The following CFHR3 variants were observed in gnomAD, a reference collection of about 807,000 sequenced individuals.
CFHR3 encodes complement factor H related 3.
Under a neutral mutation model 36.0 loss-of-function variants are expected in CFHR3, and 22 were observed. The ratio of observed to expected loss-of-function variants is 0.61; its 90% CI spans 0.44 to 0.87. The LOEUF (loss-of-function observed/expected upper bound fraction) is 0.87, where lower values mean the gene tolerates loss of function less well. CFHR3 is among the 40% of genes least tolerant of loss of function. CFHR3 has a pLI of 0.00. For synonymous variants in CFHR3, 97 were observed against 137.4 expected (o/e 0.71, Z 2.06); for missense variants, 276 against 401.3 (o/e 0.69, Z 2.67).
At position 196,780,282 on chromosome 1, in the gene CFHR3, G is replaced by A. The variant is rs777971200; in HGVS notation, c.430+309G>A. Among the ~76,000 whole-genome samples, 9 of 136,876 alleles carry A rather than the reference G, an allele frequency of 6.6e-5. 1 individual carries two copies. The highest frequency in any genetic ancestry group is 9.1e-5 in the African/African-American group (3 of 32,818). 89.8% of individuals were successfully genotyped at this position (136,876 alleles called of 152,430 possible). On this transcript the variant is annotated intron_variant, in intron 3 of 5. Transcript: ENST00000367425. ...TGTCTCGGGTAAATACCCGAGGTTC[G>A]TCATCTTGCACCAAGAAGATTAAGT...
In CFHR3 at chr1:196,793,353, A is replaced by C. The variant is rs761956023; in HGVS notation, c.833A>C (p.Asn278Thr). The change falls in exon 6 of 6, where the codon AAT (asparagine) becomes ACT (threonine). Residue 278 changes from asparagine to threonine, a missense_variant. This residue lies in a region of CFHR3 where 76 missense variants were observed against 79.8 expected (regional missense o/e 0.95). Coordinates refer to ENST00000367425, the MANE Select transcript of CFHR3 (RefSeq NM_021023.6). ...CIITEENMNK[N>T]NIKLKGRSDR... is the part of the protein sequence containing the mutation. ...ATAACTGAAGAAAACATGAATAAAA[A>C]TAACATAAAGTTAAAAGGAAGAAGT... 12 of 1,520,458 alleles carry C rather than the reference A, an allele frequency of 7.9e-6. 5 individuals carry two copies. In the Admixed American group the frequency reaches 1.6e-4, roughly 20 times the overall value. The allele number at this position is 1,520,458 out of a possible 1,614,324, so 94.2% of individuals were successfully genotyped here. A position where few individuals can be genotyped will look rare whatever the true frequency, so the allele number is the denominator to read the frequency against.
intron 2 of CFHR3, 100 bp downstream of exon 2, chr1:196,779,456 G>C (rs1418762481): frequency 9.9e-7 from 1 of 1,012,218 alleles, no homozygotes; most frequent in Non-Finnish European, 1.5e-6. Context: ...AACAGAAATA[G>C]GGCCAAGAAA....
At chr1:196,792,588 G>T (rs1437929132) in intron 5 of CFHR3, among the ~76,000 whole-genome samples, 1 of 132,292 alleles carries the variant, frequency 7.6e-6, no homozygotes, top group Non-Finnish European at 1.6e-5. Context: ...TCCATATGTG[G>T]AAGTAACATT....
chr1:196,788,294 A>C lies in CFHR3; in HGVS notation c.509A>C (p.Glu170Ala). ...TCCTCTATTTATATTTTAAATAAAGAAATACAATATAAATGTAAACCAGGA... is the reference window on the plus strand; with the variant it reads ...TCCTCTATTTATATTTTAAATAAAGCAATACAATATAAATGTAAACCAGGA... ...ESSSIYILNK[E>A]IQYKCKPGYA... is the part of the protein sequence containing the mutation. Residue 170 changes from glutamate to alanine, a missense_variant, in exon 4 of 6, where the codon GAA becomes GCA. By Grantham distance (107) the Glu-to-Ala change is moderately radical. Coordinates refer to ENST00000367425, the MANE Select transcript of CFHR3 (RefSeq NM_021023.6). The C allele has an allele frequency of 6.7e-7, 1 of 1,484,048 alleles. No individual in the cohort carries two copies. Among genetic ancestry groups the C allele is most frequent in the East Asian group, 2.3e-5 (1 of 44,120 alleles). The allele number at this position is 1,484,048 out of a possible 1,614,324, so 91.9% of individuals were successfully genotyped here.
rs1266504154 is a variant in CFHR3 at position 196,775,953 on chromosome 1, A to G, written c.58+1009A>G. ...AGCTTTAAGTTTTATAGTATTATCTATCACATGATTTGCTAGTTTTATTTG... is the reference window on the plus strand; with the variant it reads ...AGCTTTAAGTTTTATAGTATTATCTGTCACATGATTTGCTAGTTTTATTTG... On this transcript the variant is annotated intron_variant, in intron 1 of 5. Transcript: ENST00000367425. Among the ~76,000 whole-genome samples the G allele has an allele frequency of 4.5e-5, 6 of 133,108 alleles. 1 individual carries two copies. The highest frequency in any genetic ancestry group is 9.5e-5 in the Non-Finnish European group (6 of 62,954). The allele number at this position is 133,108 out of a possible 152,430, so 87.3% of individuals were successfully genotyped here. A position where few individuals can be genotyped will look rare whatever the true frequency, so the allele number is the denominator to read the frequency against.
rs1393202863 is a variant in CFHR3, at chr1:196,788,797, G to A, written c.613+399G>A. ...CTCAGAAAAGTTGTACATGTCGGGG[G>A]AGAAATGAGTGCTTAATTCTGAATT... On this transcript the variant is annotated intron_variant, in intron 4 of 5. Transcript: ENST00000367425. 21 of 1,457,166 alleles carry A rather than the reference G, an allele frequency of 1.4e-5. 3 individuals are homozygous for A. The Admixed American group carries it at 3.3e-4, about 23-fold the overall frequency. The allele number at this position is 1,457,166 out of a possible 1,614,324, so 90.3% of individuals were successfully genotyped here.
At position 196,788,417 on chromosome 1, in the gene CFHR3, C is replaced by T. The variant is rs372082762; in HGVS notation, c.613+19C>T. ...TGCATTAGTAAGTGATTTACATATT[C>T]CCATTCAGTTTCTGTCAACTTCGTT... On this transcript the variant is annotated intron_variant, in intron 4 of 5. Transcript: ENST00000367425. The T allele has an allele frequency of 5.5e-5, 84 of 1,522,838 alleles. 15 individuals carry two copies. Among genetic ancestry groups the T allele is most frequent in the Middle Eastern group, 1.9e-4 (1 of 5,346 alleles). The allele number at this position is 1,522,838 out of a possible 1,614,324, so 94.3% of individuals were successfully genotyped here.
At chr1:196,778,325 A>G (rs1362264300) in intron 1 of CFHR3, among the ~76,000 whole-genome samples, 1 of 137,036 alleles carries the variant, frequency 7.3e-6, no homozygotes, top group Non-Finnish European at 1.5e-5. Context: ...TTGTGCCGCT[A>G]GCCTCCTTCC....
chr1:196,774,875 A>C lies in CFHR3; in HGVS notation c.-12A>C. 1 of 1,519,394 alleles carries C rather than the reference A, an allele frequency of 6.6e-7. No homozygotes were observed. The highest frequency in any genetic ancestry group is 8.9e-7 in the Non-Finnish European group (1 of 1,121,574). The allele number at this position is 1,519,394 out of a possible 1,614,324, so 94.1% of individuals were successfully genotyped here. A position where few individuals can be genotyped will look rare whatever the true frequency, so the allele number is the denominator to read the frequency against. On this transcript the variant is annotated 5_prime_UTR_variant, in exon 1 of 6. Coordinates refer to ENST00000367425, the MANE Select transcript of CFHR3 (RefSeq NM_021023.6). ...AAACTTTTGTATTAGCATACTACTG[A>C]GAATATCTAACATGTTGTTACTAAT...
chr1:196,774,874 G>C lies in CFHR3; in HGVS notation c.-13G>C. The C allele has an allele frequency of 1.3e-6, 2 of 1,518,514 alleles. No individual in the cohort carries two copies. The highest frequency in any genetic ancestry group is 1.8e-6 in the Non-Finnish European group (2 of 1,120,944). The allele number at this position is 1,518,514 out of a possible 1,614,324, so 94.1% of individuals were successfully genotyped here. A position where few individuals can be genotyped will look rare whatever the true frequency, so the allele number is the denominator to read the frequency against. ...GAAACTTTTGTATTAGCATACTACTGAGAATATCTAACATGTTGTTACTAA... is the reference window on the plus strand; with the variant it reads ...GAAACTTTTGTATTAGCATACTACTCAGAATATCTAACATGTTGTTACTAA... On this transcript the variant is annotated 5_prime_UTR_variant, in exon 1 of 6. Coordinates refer to ENST00000367425, the MANE Select transcript of CFHR3 (RefSeq NM_021023.6).
chr1:196,783,710 CT>C (rs1290387015), intron 3 of CFHR3, among the ~76,000 whole-genome samples: 3 of 135,690 alleles, frequency 2.2e-5, no homozygotes, highest in Admixed American at 7.1e-5. Context: ...CTTTATTACT[CT>C]TGCTAGCAGT....
At chr1:196,789,156 T>C (rs378283) in intron 4 of CFHR3, 211,776 of 971,882 alleles carry the variant, frequency 0.22, 46,505 homozygotes, top group East Asian at 0.49. Flanking sequence ...AATGTATTTT[T>C]AACCCAAATA....
intron 3 of CFHR3, among the ~76,000 whole-genome samples, chr1:196,782,862 G>A (rs1654014331): frequency 7.3e-6 from 1 of 137,214 alleles, no homozygotes; most frequent in African/African-American, 3.0e-5. Context: ...TGGTGAGAGA[G>A]GGCATCCCTG....
In CFHR3 at chr1:196,793,412, A is replaced by T; in HGVS notation, c.892A>T (p.Ile298Phe). 2 of 1,527,494 alleles carry T rather than the reference A, an allele frequency of 1.3e-6. No individual in the cohort carries two copies. The highest frequency in any genetic ancestry group is 1.8e-6 in the Non-Finnish European group (2 of 1,129,444). The allele number at this position is 1,527,494 out of a possible 1,614,324, so 94.6% of individuals were successfully genotyped here. ...RKYYAKTGDTIEFMCKLGYNA... is the reference protein window; with the variant it reads ...RKYYAKTGDTFEFMCKLGYNA... ...ATATTATGCAAAAACAGGGGATACCATTGAATTTATGTGTAAATTGGGATA... is the reference window on the plus strand; with the variant it reads ...ATATTATGCAAAAACAGGGGATACCTTTGAATTTATGTGTAAATTGGGATA... Residue 298 changes from isoleucine to phenylalanine, a missense_variant, in exon 6 of 6, where the codon ATT becomes TTT. Ile to Phe is a conservative substitution (Grantham distance 21). This residue lies in a region of CFHR3 where 76 missense variants were observed against 79.8 expected (regional missense o/e 0.95). Coordinates refer to ENST00000367425, the MANE Select transcript of CFHR3 (RefSeq NM_021023.6).
At position 196,783,954 on chromosome 1, in the gene CFHR3, C is replaced by G. The variant is rs1481863847; in HGVS notation, c.430+3981C>G. 1.5e-5 allele frequency among the ~76,000 whole-genome samples: 2 copies of G among 134,708 alleles called. 1 individual carries two copies. Among genetic ancestry groups the G allele is most frequent in the Admixed American group, 1.4e-4 (2 of 13,976 alleles). 88.4% of individuals were successfully genotyped at this position (134,708 alleles called of 152,430 possible). ...TGTGGGCATTTAGTGCTATAAATTT[C>G]CCTCTACACACTGCTTTGAATGTGT... On this transcript the variant is annotated intron_variant, in intron 3 of 5. Coordinates refer to ENST00000367425, the MANE Select transcript of CFHR3 (RefSeq NM_021023.6).
intron 5 of CFHR3, among the ~76,000 whole-genome samples, chr1:196,793,036 C>T (rs185300695): frequency 2.2e-5 from 3 of 134,948 alleles, no homozygotes; most frequent in East Asian, 2.0e-4. Context: ...CTAGGGTGGA[C>T]ACAACATATT....
intron 3 of CFHR3, among the ~76,000 whole-genome samples, chr1:196,786,019 C>T (rs1311615566): frequency 7.4e-6 from 1 of 136,038 alleles, no homozygotes; most frequent in East Asian, 2.0e-4. Context: ...TTCCTTCTAA[C>T]AGACAGGACC....
At chr1:196,786,975 T>G (rs1317947510) in intron 3 of CFHR3, among the ~76,000 whole-genome samples, 2 of 137,722 alleles carry the variant, frequency 1.5e-5, no homozygotes, top group Non-Finnish European at 3.1e-5. Flanking sequence ...TATTTTTTAG[T>G]TAGTGCTCTG....
chr1:196,793,737 T>C lies in CFHR3; in HGVS notation c.*224T>C, dbSNP rs906415623. ...CTTGTACTAAAATAATAAAAACTAC[T>C]CTTATATTGGACTTCTTATCAATGA... On this transcript the variant is annotated 3_prime_UTR_variant, in exon 6 of 6. Coordinates refer to ENST00000367425, the MANE Select transcript of CFHR3 (RefSeq NM_021023.6). 2.2e-4 allele frequency: 87 copies of C among 402,542 alleles called. 6 individuals carry two copies. The highest frequency in any genetic ancestry group is 1.3e-5 in the Non-Finnish European group (3 of 232,930). The allele number at this position is 402,542 out of a possible 1,614,324, so 24.9% of individuals were successfully genotyped here.
Sources: allele counts gnomAD v4.1 joint callset (sites outside exome capture counted in the v4.1 genomes callset), GRCh38; gene constraint gnomAD v4.1.1; regional missense constraint gnomAD v4.1.1; transcripts MANE v1.5; gene names NCBI Gene and HGNC (gene_info 2026-07-23, HGNC 2026-07-21).